Variants in FGF18 observed in about 807,000 individuals in gnomAD.
FGF18 encodes the protein fibroblast growth factor 18.
In FGF18, 5 loss-of-function variants were observed where a neutral mutation model predicts 23.0. That is an observed-to-expected ratio of 0.22 (90% CI 0.11 to 0.46). The LOEUF is 0.46. Ranked by LOEUF, FGF18 falls within the 20% of genes least tolerant of loss-of-function variation. FGF18 has a pLI of 0.99. For missense variants in FGF18, 180 were observed against 291.6 expected (o/e 0.62, Z 2.79); for synonymous variants, 117 against 118.9 (o/e 0.98, Z 0.10).
chr5:171,434,148 T>C lies in FGF18; in HGVS notation c.70-1945T>C, dbSNP rs1260839963. Among the ~76,000 whole-genome samples the C allele has an allele frequency of 6.6e-6, 1 of 152,176 alleles. No individual in the cohort carries two copies. The highest frequency in any genetic ancestry group is 1.5e-5 in the Non-Finnish European group (1 of 68,030). On this transcript the variant is annotated intron_variant, in intron 2 of 4. Transcript: ENST00000274625. The surrounding 1 kb of genome is among the most constrained non-coding windows in gnomAD (Gnocchi z 4.6). ...GCCCCGCAAGGCAGTGGCCTGGGGC[T>C]GCCCGCAGGGGTGGGGCACAGGAAA...
intron 2 of FGF18, among the ~76,000 whole-genome samples, chr5:171,431,096 AGCCATGAGTGGGCTGGAGAG>A (rs1441889106): frequency 6.6e-6 from 1 of 152,198 alleles, no homozygotes; most frequent in Non-Finnish European, 1.5e-5. Flanking sequence ...CATGCTTTTC[AGCCATGAGTGGGCTGGAGAG>A]GCTAAAATCT....
At position 171,426,825 on chromosome 5, in the gene FGF18, T is replaced by G. The variant is rs139401348; in HGVS notation, c.69+6382T>G. Among the ~76,000 whole-genome samples the G allele has an allele frequency of 1.2e-3, 183 of 152,378 alleles. 1 individual carries two copies. Among genetic ancestry groups the G allele is most frequent in the African/African-American group, 3.9e-3 (162 of 41,596 alleles). ...GGGGAAACCTAGGTTGAATCCTGGC[T>G]GTGCTTCTTGGCAGCTGCTCTGCAA... is the stretch of plus-strand genomic sequence containing the variant. On this transcript the variant is annotated intron_variant, in intron 2 of 4. Transcript: ENST00000274625.
At chr5:171,420,328 C>T (rs1771984485) in intron 1 of FGF18, 79 bp from the exon 2 acceptor site, 1 of 1,605,272 alleles carries the variant, frequency 6.2e-7, no homozygotes, top group African/African-American at 1.3e-5. Flanking sequence ...GTTCACCTGA[C>T]TCTTCGACTG....
chr5:171,431,065 A>G (rs557656861), intron 2 of FGF18, among the ~76,000 whole-genome samples: 36 of 152,190 alleles, frequency 2.4e-4, no homozygotes, highest in Non-Finnish European at 5.1e-4. Flanking sequence ...GGGGGCCAGG[A>G]AGAAAGAGGA....
chr5:171,449,817 G>GT (rs1481434135), intron 4 of FGF18, among the ~76,000 whole-genome samples: 2 of 151,602 alleles, frequency 1.3e-5, no homozygotes, highest in African/African-American at 4.9e-5. Flanking sequence ...ACAAATTAGG[G>GT]TGGGGGCAGG....
In FGF18 at chr5:171,456,719, A is replaced by G. The variant is rs1251092753; in HGVS notation, c.538A>G (p.Lys180Glu). 1.9e-6 allele frequency: 3 copies of G among 1,613,710 alleles called. No individual in the cohort carries two copies. The highest frequency in any genetic ancestry group is 2.5e-6 in the Non-Finnish European group (3 of 1,179,952). The change falls in exon 5 of 5, where the codon AAG becomes GAG. Residue 180 changes from lysine to glutamate, a missense_variant. Physicochemically the swap from Lys to Glu is moderately conservative, Grantham distance 56. Around this residue, in one of 3 missense-constraint regions of FGF18, gnomAD observed 40 missense variants for 41.4 expected, o/e 0.97. Transcript: ENST00000274625. The surrounding 1 kb of genome is among the most constrained non-coding windows in gnomAD (Gnocchi z 6.1). ...CGTGCATTTCATGAAGCGCTACCCCAAGGGGCAGCCGGAGCTTCAGAAGCC... is the reference window on the plus strand; with the variant it reads ...CGTGCATTTCATGAAGCGCTACCCCGAGGGGCAGCCGGAGCTTCAGAAGCC... ...QDVHFMKRYPKGQPELQKPFK... is the reference protein window; with the variant it reads ...QDVHFMKRYPEGQPELQKPFK...
intron 3 of FGF18, among the ~76,000 whole-genome samples, chr5:171,437,355 G>C (rs1028884061): frequency 9.2e-5 from 14 of 152,336 alleles, no homozygotes; most frequent in African/African-American, 3.4e-4. Context: ...TAGGGCCCAA[G>C]CGTGGCAGCT....
chr5:171,443,347 T>C (rs1466446536), intron 3 of FGF18, among the ~76,000 whole-genome samples: 1 of 152,132 alleles, frequency 6.6e-6, no homozygotes, highest in Non-Finnish European at 1.5e-5. Flanking sequence ...GTCAGGCTGC[T>C]CTCGAACTCC....
At position 171,449,400 on chromosome 5, in the gene FGF18, T is replaced by A. The variant is rs144451411; in HGVS notation, c.357+147T>A. 3,152 of 363,234 alleles carry A rather than the reference T, an allele frequency of 8.7e-3. 97 individuals are homozygous for A. Among genetic ancestry groups the A allele is most frequent in the African/African-American group, 0.067 (2,798 of 41,824 alleles). 22.5% of individuals were successfully genotyped at this position (363,234 alleles called of 1,614,324 possible). On this transcript the variant is annotated intron_variant, in intron 4 of 4. Coordinates refer to ENST00000274625, the MANE Select transcript of FGF18 (RefSeq NM_003862.3). ...GTGTGTGTGTGTGTGTGTGTGTGTG[T>A]GAGAGAGAGAGAGAGAGAGAGAGAC...
At chr5:171,428,737 T>G (rs551677418) in intron 2 of FGF18, among the ~76,000 whole-genome samples, 1 of 152,148 alleles carries the variant, frequency 6.6e-6, no homozygotes, top group Non-Finnish European at 1.5e-5. Flanking sequence ...CTCATGGGCA[T>G]GGATGGCCAT....
intron 3 of FGF18, among the ~76,000 whole-genome samples, chr5:171,441,240 C>T (rs1396108718): frequency 6.6e-6 from 1 of 152,122 alleles, no homozygotes; most frequent in African/African-American, 2.4e-5. Context: ...GAGTTGAGCC[C>T]CCACGGTCCA....
chr5:171,450,524 C>T (rs1354931073), intron 4 of FGF18, among the ~76,000 whole-genome samples: 2 of 152,216 alleles, frequency 1.3e-5, no homozygotes, highest in African/African-American at 4.8e-5. Flanking sequence ...TCCCAGGTCC[C>T]ACACTACAGC....
chr5:171,453,116 A>G (rs917844154), intron 4 of FGF18, among the ~76,000 whole-genome samples: 2 of 152,206 alleles, frequency 1.3e-5, no homozygotes, highest in East Asian at 1.9e-4. Context: ...GCCTGAACCA[A>G]TTAAGTCAGA....
At chr5:171,429,130 T>TGGGG (rs891820236) in intron 2 of FGF18, among the ~76,000 whole-genome samples, 2 of 151,884 alleles carry the variant, frequency 1.3e-5, no homozygotes, top group African/African-American at 2.4e-5. Flanking sequence ...GTTGAGGAGG[T>TGGGG]GGGGGCACCC....
intron 4 of FGF18, among the ~76,000 whole-genome samples, chr5:171,449,994 T>C (rs1269092595): frequency 1.3e-5 from 2 of 151,892 alleles, no homozygotes; most frequent in African/African-American, 2.4e-5. Flanking sequence ...GAAGGTGTTA[T>C]CCACAGGAGC....
At chr5:171,450,607 A>G (rs532739597) in intron 4 of FGF18, among the ~76,000 whole-genome samples, 2 of 152,362 alleles carry the variant, frequency 1.3e-5, no homozygotes, top group South Asian at 4.1e-4. Context: ...GAGGCTTCTC[A>G]AAGAGCAAAA....
At chr5:171,443,501 A>ATTTTTTTTTTTTTTTT (rs59576538) in intron 3 of FGF18, among the ~76,000 whole-genome samples, 4 of 63,776 alleles carry the variant, frequency 6.3e-5, no homozygotes, top group Admixed American at 2.8e-4. Context: ...TGTTATCATC[A>ATTTTTTTTTTTTTTTT]TTTTTTTTTT....
rs922793995 is a variant in FGF18, at chr5:171,457,363, G to A, written c.*558G>A. 1.3e-5 allele frequency: 2 copies of A among 152,624 alleles called. No individual in the cohort carries two copies. Among genetic ancestry groups the A allele is most frequent in the African/African-American group, 2.4e-5 (1 of 41,352 alleles). The allele number at this position is 152,624 out of a possible 1,614,324, so 9.5% of individuals were successfully genotyped here. A position where few individuals can be genotyped will look rare whatever the true frequency, so the allele number is the denominator to read the frequency against. On this transcript the variant is annotated 3_prime_UTR_variant, in exon 5 of 5. Coordinates refer to ENST00000274625, the MANE Select transcript of FGF18 (RefSeq NM_003862.3). Reference sequence around the variant, plus strand: ...GAAGGCGTGCCCCTGGGAATTCTCCGCGCCTCGACCTCCCGACGACAGACG... The same window carrying A: ...GAAGGCGTGCCCCTGGGAATTCTCCACGCCTCGACCTCCCGACGACAGACG...
intron 3 of FGF18, among the ~76,000 whole-genome samples, chr5:171,444,117 C>A (rs1772385587): frequency 6.6e-6 from 1 of 152,202 alleles, no homozygotes; most frequent in Non-Finnish European, 1.5e-5. Context: ...CTCCCTCCTT[C>A]CTCAAAGTCA....
Sources: allele counts gnomAD v4.1 joint callset (sites outside exome capture counted in the v4.1 genomes callset), GRCh38; gene constraint gnomAD v4.1.1; regional missense constraint gnomAD v4.1.1; non-coding constraint Gnocchi (gnomAD v3.1); transcripts MANE v1.5; gene names NCBI Gene and HGNC (gene_info 2026-07-23, HGNC 2026-07-21).